SRGAP2C: variants seen among roughly 807,000 people sequenced by gnomAD.
SRGAP2C encodes SLIT-ROBO Rho GTPase-activating protein 2C.
In SRGAP2C, 15 loss-of-function variants were observed where a neutral mutation model predicts 25.1. The observed-to-expected ratio is 0.60, with a 90% confidence interval of 0.40 to 0.92. The LOEUF is 0.92. Among genes scored for constraint, SRGAP2C ranks in the 40% least tolerant of loss-of-function variants. SRGAP2C has a pLI of 0.00. For missense variants in SRGAP2C, 144 were observed against 264.4 expected (o/e 0.54, Z 3.16); for synonymous variants, 44 against 96.6 (o/e 0.46, Z 3.19).
intron 3 of SRGAP2C, among the ~76,000 whole-genome samples, chr1:121,314,507 T>G (rs2101600077): frequency 6.6e-6 from 1 of 152,252 alleles, no homozygotes; most frequent in South Asian, 2.1e-4. Context: ...GCGCTCTGCG[T>G]TTTAGAGTTT....
At chr1:121,266,043 C>A (rs1307909352) in intron 2 of SRGAP2C, among the ~76,000 whole-genome samples, 2 of 151,886 alleles carry the variant, frequency 1.3e-5, no homozygotes, top group African/African-American at 4.8e-5. Flanking sequence ...GGTGCAATCT[C>A]TGCTCACTGC....
chr1:121,335,391 A>AAATAAATCAAT (rs1658492086), intron 4 of SRGAP2C, among the ~76,000 whole-genome samples: 2 of 135,312 alleles, frequency 1.5e-5, no homozygotes, highest in Non-Finnish European at 3.1e-5. Flanking sequence ...AATAAATAAA[A>AAATAAATCAAT]CAACCAATTC....
chr1:121,208,012 G>T (rs1484849601), intron 2 of SRGAP2C, among the ~76,000 whole-genome samples: 1 of 151,576 alleles, frequency 6.6e-6, no homozygotes, highest in Non-Finnish European at 1.5e-5. Flanking sequence ...CCCTGGGTAA[G>T]TCTCTAACCT....
At chr1:121,277,079 C>T (rs1657123960) in intron 2 of SRGAP2C, among the ~76,000 whole-genome samples, 1 of 105,682 alleles carries the variant, frequency 9.5e-6, no homozygotes, top group South Asian at 3.0e-4. Flanking sequence ...AGAAGCCTGA[C>T]TATAGTAATG....
At chr1:121,345,834 A>G (rs587756423) in intron 4 of SRGAP2C, among the ~76,000 whole-genome samples, 1 of 145,530 alleles carries the variant, frequency 6.9e-6, no homozygotes, top group African/African-American at 2.5e-5. Flanking sequence ...TATATTTAGT[A>G]GAGACAGGGT....
At chr1:121,228,592 C>A (rs1443259283) in intron 2 of SRGAP2C, among the ~76,000 whole-genome samples, 2 of 150,306 alleles carry the variant, frequency 1.3e-5, no homozygotes, top group Non-Finnish European at 3.0e-5. Flanking sequence ...ATAGAGGTGG[C>A]AATTGAGGAT....
chr1:121,367,034 A>T (rs1202963749), intron 5 of SRGAP2C, among the ~76,000 whole-genome samples: 11 of 148,862 alleles, frequency 7.4e-5, no homozygotes, highest in African/African-American at 2.5e-4. Context: ...CCGAGCTGCT[A>T]CCTCTGACTG....
intron 2 of SRGAP2C, among the ~76,000 whole-genome samples, chr1:121,231,530 T>C (rs1275729730): frequency 6.9e-6 from 1 of 145,896 alleles, no homozygotes; most frequent in African/African-American, 2.6e-5. Context: ...CTGTGTGGGA[T>C]AGTTTTTCTT....
intron 3 of SRGAP2C, among the ~76,000 whole-genome samples, chr1:121,322,256 G>A (rs1209558385): frequency 2.1e-5 from 3 of 142,486 alleles, no homozygotes; most frequent in Non-Finnish European, 4.6e-5. Flanking sequence ...CTTGCCGAGA[G>A]ACACCACTTG....
chr1:121,284,683 C>T lies in SRGAP2C; in HGVS notation c.68-120C>T. 1.3e-5 allele frequency: 5 copies of T among 374,296 alleles called. No individual in the cohort carries two copies. The South Asian group carries it at 2.1e-4, about 15-fold the overall frequency. 23.2% of individuals were successfully genotyped at this position (374,296 alleles called of 1,614,324 possible). On this transcript the variant is annotated intron_variant, in intron 2 of 9. Transcript: ENST00000367123. The stretch of plus-strand genomic sequence containing the variant: ...AGTTTAGACTTTAGGCTTTTTTGTT[C>T]AGGGCTTTCAATTTCCCAGGGCACG...
chr1:121,315,361 G>A (rs1220495599), intron 3 of SRGAP2C, among the ~76,000 whole-genome samples: 1 of 145,570 alleles, frequency 6.9e-6, no homozygotes, highest in Admixed American at 6.9e-5. Flanking sequence ...GAATGCATTT[G>A]TGACTTGCCC....
chr1:121,291,142 G>C (rs1657483769), intron 3 of SRGAP2C, among the ~76,000 whole-genome samples: 1 of 129,814 alleles, frequency 7.7e-6, no homozygotes, highest in Non-Finnish European at 1.7e-5. Context: ...GAGTGGAAAG[G>C]AAGTAGGAAT....
At chr1:121,277,423 A>AT (rs1213253489) in intron 2 of SRGAP2C, among the ~76,000 whole-genome samples, 4 of 150,792 alleles carry the variant, frequency 2.7e-5, no homozygotes, top group Admixed American at 1.3e-4. Flanking sequence ...TATTTATTTT[A>AT]TTTTTTTGAG....
At chr1:121,322,222 C>G (rs1658225933) in intron 3 of SRGAP2C, among the ~76,000 whole-genome samples, 1 of 145,818 alleles carries the variant, frequency 6.9e-6, no homozygotes, top group South Asian at 2.2e-4. Flanking sequence ...CTTTAAAAAG[C>G]ATGCTTACTG....
chr1:121,368,588 T>G (rs587742267), intron 5 of SRGAP2C, among the ~76,000 whole-genome samples: 1 of 151,904 alleles, frequency 6.6e-6, no homozygotes, highest in South Asian at 2.1e-4. Context: ...AAGTTCGAGG[T>G]TAAAAAGGGT....
intron 2 of SRGAP2C, among the ~76,000 whole-genome samples, chr1:121,239,246 CT>C (rs1258391949): frequency 4.1e-3 from 3 of 740 alleles, no homozygotes; most frequent in African/African-American, 0.01. Context: ...TATATATATA[CT>C]ATATATATAT....
intron 2 of SRGAP2C, among the ~76,000 whole-genome samples, chr1:121,278,236 T>C (rs1657158659): frequency 6.6e-6 from 1 of 151,862 alleles, no homozygotes; most frequent in South Asian, 2.1e-4. Context: ...GGTGAGCCAC[T>C]GTGCCTGGCC....
chr1:121,198,993 G>A (rs1209297445), intron 2 of SRGAP2C, among the ~76,000 whole-genome samples: 13 of 152,146 alleles, frequency 8.5e-5, no homozygotes, highest in Non-Finnish European at 1.6e-4. Flanking sequence ...ATCCCTGTAA[G>A]ATGGGAACAA....
intron 2 of SRGAP2C, among the ~76,000 whole-genome samples, chr1:121,231,201 GAAAA>G (rs781917846): frequency 1.8e-5 from 2 of 112,278 alleles, no homozygotes; most frequent in African/African-American, 3.8e-5. Flanking sequence ...AAAAGAAAAA[GAAAA>G]AAAAAGTCAC....
Sources: gnomAD v4.1 joint callset for allele counts (sites outside exome capture counted in the v4.1 genomes callset) on GRCh38, gnomAD v4.1.1 for gene constraint, MANE v1.5 for transcripts, NCBI Gene and HGNC (gene_info 2026-07-23, HGNC 2026-07-21) for gene names.